The following RPH3AL variants were observed in gnomAD, a reference collection of about 807,000 sequenced individuals.
RPH3AL encodes the protein rab effector Noc2.
In RPH3AL, 38 loss-of-function variants were observed where a neutral mutation model predicts 43.1. That is an observed-to-expected ratio of 0.88 (90% confidence interval 0.68 to 1.15). The LOEUF (loss-of-function observed/expected upper bound fraction) is 1.15, where lower values mean the gene tolerates loss of function less well. Among genes scored for constraint, RPH3AL ranks in the 50% most tolerant of loss-of-function variants. The pLI, the probability that RPH3AL is intolerant of heterozygous loss-of-function variation, is 0.00. For synonymous variants in RPH3AL, 189 were observed against 176.3 expected, an observed-to-expected ratio of 1.07 and a Z score of -0.57; for missense variants, 462 against 423.2, an observed-to-expected ratio of 1.09 and a Z score of -0.81.
At position 219,958 on chromosome 17, in the gene RPH3AL, G is replaced by C. The variant is rs1218079751; in HGVS notation, c.614-222C>G. Among the ~76,000 whole-genome samples, 3 of 152,162 alleles carry C rather than the reference G, an allele frequency of 2.0e-5. No homozygotes were observed. In the East Asian group the frequency reaches 5.8e-4, roughly 29 times the overall value. On this transcript the variant is annotated intron_variant, in intron 7 of 9. Transcript: ENST00000331302. ...CCTGATGTGAGGAGGCTGGGATCTGGGCTCAGGCTGACCAGCAGAGAAGAG... is the reference window on the plus strand; with the variant it reads ...CCTGATGTGAGGAGGCTGGGATCTGCGCTCAGGCTGACCAGCAGAGAAGAG...
chr17:319,021 T>A (rs1567518516), intron 5 of RPH3AL, among the ~76,000 whole-genome samples: 1 of 152,264 alleles, frequency 6.6e-6, no homozygotes, highest in Non-Finnish European at 1.5e-5. Context: ...AGTTTTGCGT[T>A]GAAGAATATT....
intron 6 of RPH3AL, among the ~76,000 whole-genome samples, chr17:275,852 C>T (rs1427803516): frequency 6.6e-6 from 1 of 152,180 alleles, no homozygotes; most frequent in African/African-American, 2.4e-5. Context: ...CAGGCTTATT[C>T]CCTTTTTTGT....
chr17:227,069 G>A (rs1232305028), intron 7 of RPH3AL, among the ~76,000 whole-genome samples: 1 of 152,190 alleles, frequency 6.6e-6, no homozygotes, highest in East Asian at 1.9e-4. Flanking sequence ...AGAGGCAGGG[G>A]TGGGGGAGAA....
rs1597863266 is a variant in RPH3AL at position 215,555 on chromosome 17, G to A, written c.876+99C>T. Reference sequence around the variant, plus strand: ...TGCTTGGTAAACAACATGCAGAATTGAAAACGTCACCGACCAGTCTCCAGT... The same window carrying A: ...TGCTTGGTAAACAACATGCAGAATTAAAAACGTCACCGACCAGTCTCCAGT... On this transcript the variant is annotated intron_variant, in intron 9 of 9. Coordinates refer to ENST00000331302, the MANE Select transcript of RPH3AL (RefSeq NM_006987.4). This position sits in a 1 kb window ranked among gnomAD's most constrained non-coding sequence, Gnocchi z 4.1. The A allele has an allele frequency of 9.0e-7, 1 of 1,111,244 alleles. No individual in the cohort carries two copies. The highest frequency in any genetic ancestry group is 1.1e-6 in the Non-Finnish European group (1 of 872,234). The allele number at this position is 1,111,244 out of a possible 1,614,324, so 68.8% of individuals were successfully genotyped here.
intron 6 of RPH3AL, among the ~76,000 whole-genome samples, chr17:279,733 C>A (rs538008290): frequency 1.3e-5 from 2 of 152,146 alleles, no homozygotes; most frequent in African/African-American, 4.8e-5. Context: ...TCCCCACAGA[C>A]GATGTTTTAA....
At chr17:317,578 G>A (rs775185198) in intron 5 of RPH3AL, among the ~76,000 whole-genome samples, 2 of 151,934 alleles carry the variant, frequency 1.3e-5, no homozygotes, top group African/African-American at 2.4e-5. Flanking sequence ...CAGGGCCTTG[G>A]CAAGGCTGAA....
chr17:313,721 G>A (rs2043715141), intron 5 of RPH3AL, among the ~76,000 whole-genome samples: 1 of 152,194 alleles, frequency 6.6e-6, no homozygotes. Flanking sequence ...TGTCCATCTC[G>A]TTCACGGCGT....
chr17:239,220 G>A (rs2041471161), intron 7 of RPH3AL, among the ~76,000 whole-genome samples: 1 of 152,214 alleles, frequency 6.6e-6, no homozygotes, highest in South Asian at 2.1e-4. Flanking sequence ...CAGGTGCAGT[G>A]CAGTCACTGG....
chr17:230,468 A>G (rs1164398015), intron 7 of RPH3AL, among the ~76,000 whole-genome samples: 1 of 152,128 alleles, frequency 6.6e-6, no homozygotes, highest in Non-Finnish European at 1.5e-5. Flanking sequence ...GAATTTAAGG[A>G]TGGGCATAAT....
chr17:242,936 A>ACCTTCCTCTATTGATTAC (rs1555537736), intron 7 of RPH3AL, among the ~76,000 whole-genome samples: 5 of 94,100 alleles, frequency 5.3e-5, no homozygotes, highest in African/African-American at 1.6e-4. Flanking sequence ...TCTATTGACT[A>ACCTTCCTCTATTGATTAC]CCTTCCTCTA....
rs1394590601 is a variant in RPH3AL at position 295,573 on chromosome 17, ATGGG to A, written c.352-13723_352-13720del. On this transcript the variant is annotated intron_variant, in intron 5 of 9. Coordinates refer to ENST00000331302, the MANE Select transcript of RPH3AL (RefSeq NM_006987.4). The stretch of plus-strand genomic sequence containing the variant: ...AGGGACAGAGGAGCTGCAGAAATGG[ATGGG>A]CAGAGGGAATGCACATCAGTGTGGG... 2.3e-3 allele frequency among the ~76,000 whole-genome samples: 45 copies of A among 19,298 alleles called. 3 individuals carry two copies. Among genetic ancestry groups the A allele is most frequent in the East Asian group, 5.4e-3 (1 of 184 alleles). 12.7% of individuals were successfully genotyped at this position (19,298 alleles called of 152,430 possible).
intron 8 of RPH3AL, among the ~76,000 whole-genome samples, chr17:218,849 C>T (rs905257073): frequency 1.3e-5 from 2 of 152,186 alleles, no homozygotes; most frequent in East Asian, 3.9e-4. Context: ...GTCCTGGGGA[C>T]CCCATGGTGG....
In RPH3AL at chr17:304,888, C is replaced by T. The variant is rs113658703; in HGVS notation, c.351+14532G>A. Reference sequence around the variant, plus strand: ...AAATAGGGGCCAGCCCCCGGTCCAGCGCCACGAGCTCCTAGGGCCAGAGTG... The same window carrying T: ...AAATAGGGGCCAGCCCCCGGTCCAGTGCCACGAGCTCCTAGGGCCAGAGTG... On this transcript the variant is annotated intron_variant, in intron 5 of 9. Transcript: ENST00000331302. Among the ~76,000 whole-genome samples the T allele has an allele frequency of 3.0e-3, 416 of 140,950 alleles. 7 individuals carry two copies. Among genetic ancestry groups the T allele is most frequent in the African/African-American group, 0.011 (404 of 37,706 alleles). The allele number at this position is 140,950 out of a possible 152,430, so 92.5% of individuals were successfully genotyped here.
intron 6 of RPH3AL, among the ~76,000 whole-genome samples, chr17:272,493 A>G (rs1226770399): frequency 6.6e-6 from 1 of 150,936 alleles, no homozygotes; most frequent in Non-Finnish European, 1.5e-5. Flanking sequence ...TTCTCAGCAA[A>G]CTATCGCAAG....
Position 242,798 on chromosome 17 carries a change from C to A in RPH3AL, c.613+4313G>T, listed in dbSNP as rs927277453. On this transcript the variant is annotated intron_variant, in intron 7 of 9. Transcript: ENST00000331302. The stretch of plus-strand genomic sequence containing the variant: ...ATTGACTACCTTCCTCTAATGACTA[C>A]CTTCCTCTATTGATTACCTTCCTCT... Among the ~76,000 whole-genome samples the A allele has an allele frequency of 2.5e-5, 3 of 120,938 alleles. 1 individual carries two copies. The highest frequency in any genetic ancestry group is 5.3e-5 in the Non-Finnish European group (3 of 56,450). The allele number at this position is 120,938 out of a possible 152,430, so 79.3% of individuals were successfully genotyped here.
chr17:251,761 AG>A (rs1555542649), intron 6 of RPH3AL, among the ~76,000 whole-genome samples: 1 of 152,230 alleles, frequency 6.6e-6, no homozygotes, highest in East Asian at 1.9e-4. Context: ...GTGCCAGCCA[AG>A]GGCTCGCTAC....
At chr17:336,386 C>G (rs540333952) in intron 1 of RPH3AL, among the ~76,000 whole-genome samples, 2 of 152,312 alleles carry the variant, frequency 1.3e-5, no homozygotes, top group South Asian at 4.1e-4. Flanking sequence ...ATGCACCAAG[C>G]GGGCTCGAGT....
At chr17:226,856 C>T (rs1428011282) in intron 7 of RPH3AL, among the ~76,000 whole-genome samples, 1 of 152,230 alleles carries the variant, frequency 6.6e-6, no homozygotes, top group Admixed American at 6.5e-5. Context: ...CCATCCTCAA[C>T]ATAACACTCT....
chr17:235,930 C>T (rs2041379449), intron 7 of RPH3AL, among the ~76,000 whole-genome samples: 1 of 149,266 alleles, frequency 6.7e-6, no homozygotes, highest in African/African-American at 2.4e-5. Context: ...GGCCGAGGCT[C>T]CGCACTAACA....
Sources: allele counts gnomAD v4.1 joint callset (sites outside exome capture counted in the v4.1 genomes callset), GRCh38; gene constraint gnomAD v4.1.1; non-coding constraint Gnocchi (gnomAD v3.1); transcripts MANE v1.5; gene names NCBI Gene and HGNC (gene_info 2026-07-23, HGNC 2026-07-21).